UBE3D: variants seen among roughly 807,000 people sequenced by gnomAD.
UBE3D encodes E3 ubiquitin-protein ligase E3D.
A neutral mutation model predicts 49.6 loss-of-function variants in UBE3D; 48 were observed. The observed-to-expected ratio is 0.97, with a 90% CI of 0.77 to 1.23. The LOEUF (loss-of-function observed/expected upper bound fraction) is 1.23. UBE3D is among the 50% of genes most tolerant of loss of function. The pLI, the probability that UBE3D is intolerant of heterozygous loss-of-function variation, is 0.00. For synonymous variants in UBE3D, 189 were observed against 174.2 expected, an observed-to-expected ratio of 1.08 and a Z score of -0.67; for missense variants, 452 against 468.4, an observed-to-expected ratio of 0.96 and a Z score of 0.32.
intron 9 of UBE3D, among the ~76,000 whole-genome samples, chr6:82,916,250 C>A (rs1772907158): frequency 6.6e-6 from 1 of 152,192 alleles, no homozygotes; most frequent in Non-Finnish European, 1.5e-5. Context: ...CTGCCCAAGT[C>A]TAGCCTTTTC....
chr6:83,008,038 C>A (rs777148586), intron 8 of UBE3D, among the ~76,000 whole-genome samples: 1 of 152,092 alleles, frequency 6.6e-6, no homozygotes, highest in Non-Finnish European at 1.5e-5. Context: ...TCAAGAAAAT[C>A]GTGGGTTATA....
intron 8 of UBE3D, among the ~76,000 whole-genome samples, chr6:82,994,293 T>C (rs1466747179): frequency 6.6e-6 from 1 of 152,112 alleles, no homozygotes; most frequent in East Asian, 1.9e-4. Context: ...TAGACTCTAA[T>C]TGAAATAGAA....
intron 8 of UBE3D, 65 bp from the exon 9 acceptor site, chr6:82,957,515 T>A: frequency 1.3e-6 from 2 of 1,515,834 alleles, no homozygotes; most frequent in Non-Finnish European, 1.8e-6. Context: ...AAATCTGATA[T>A]GAAAGAAGAA....
intron 8 of UBE3D, among the ~76,000 whole-genome samples, chr6:83,000,680 G>A (rs1463334035): frequency 1.3e-5 from 2 of 152,098 alleles, no homozygotes; most frequent in Non-Finnish European, 2.9e-5. Flanking sequence ...GGGTCCCTGA[G>A]TTGGTCTGTC....
intron 8 of UBE3D, among the ~76,000 whole-genome samples, chr6:82,963,022 T>C (rs1039782212): frequency 2.0e-5 from 3 of 152,210 alleles, no homozygotes; most frequent in Admixed American, 6.5e-5. Flanking sequence ...TCTAATGTTA[T>C]GATTTATAAA....
Position 83,018,957 on chromosome 6 carries a change from C to G in UBE3D, c.1010+16G>C. 1 of 1,609,456 alleles carries G rather than the reference C, an allele frequency of 6.2e-7. No individual in the cohort carries two copies. ...TAAAACATAATGTGGAAAGAGAAAA[C>G]AAATGCACAACTTACTTTTCATTCC... On this transcript the variant is annotated intron_variant, in intron 8 of 9. Coordinates refer to ENST00000369747, the MANE Select transcript of UBE3D (RefSeq NM_198920.3).
chr6:82,957,233 C>A, intron 9 of UBE3D, 79 bp downstream of exon 9: 1 of 1,474,668 alleles, frequency 6.8e-7, no homozygotes, highest in Non-Finnish European at 9.3e-7. Flanking sequence ...GGGCTATCTC[C>A]TGTGAAAGAG....
chr6:83,054,125 T>C (rs369833075), intron 3 of UBE3D, 23 bp downstream of exon 3: 5 of 1,572,988 alleles, frequency 3.2e-6, no homozygotes, highest in Non-Finnish European at 4.4e-6. Context: ...ACAGAATTAA[T>C]CAGTGTTAAA....
rs1784034680 is a variant in UBE3D, at chr6:83,059,575, A to G, written c.78-1553T>C. Among the ~76,000 whole-genome samples the G allele has an allele frequency of 2.0e-5, 3 of 152,326 alleles. No homozygotes were observed. In the South Asian group the frequency reaches 6.2e-4, roughly 32 times the overall value. Reference sequence around the variant, plus strand: ...AGTTGACACTTCCAAGTGCCGCAAGAGATACCACTGGGTTCCTAAGTCCCC... The same window carrying G: ...AGTTGACACTTCCAAGTGCCGCAAGGGATACCACTGGGTTCCTAAGTCCCC... On this transcript the variant is annotated intron_variant, in intron 1 of 9. Coordinates refer to ENST00000369747, the MANE Select transcript of UBE3D (RefSeq NM_198920.3).
At chr6:82,999,446 G>A (rs899120183) in intron 8 of UBE3D, among the ~76,000 whole-genome samples, 3 of 152,054 alleles carry the variant, frequency 2.0e-5, no homozygotes, top group Admixed American at 6.5e-5. Flanking sequence ...GTGCAGTGGC[G>A]CGATCTAGGC....
intron 9 of UBE3D, among the ~76,000 whole-genome samples, chr6:82,929,256 G>A (rs1040014022): frequency 1.3e-5 from 2 of 151,040 alleles, no homozygotes; most frequent in African/African-American, 4.9e-5. Context: ...CACATCTGAT[G>A]GAGATCAACA....
intron 8 of UBE3D, among the ~76,000 whole-genome samples, chr6:82,978,998 A>C (rs572523705): frequency 1.3e-5 from 2 of 152,308 alleles, no homozygotes; most frequent in African/African-American, 2.4e-5. Context: ...CATAACATAC[A>C]TAGTGGGTAA....
At chr6:83,032,029 G>A (rs1050151802) in intron 5 of UBE3D, among the ~76,000 whole-genome samples, 1 of 152,208 alleles carries the variant, frequency 6.6e-6, no homozygotes, top group Non-Finnish European at 1.5e-5. Context: ...AGCCCTCATG[G>A]AGAACCTCTG....
At chr6:82,965,622 C>A (rs141029257) in intron 8 of UBE3D, among the ~76,000 whole-genome samples, 1,546 of 150,750 alleles carry the variant, frequency 0.01, 13 homozygotes, top group Admixed American at 0.017. Flanking sequence ...AGAGGAGAAT[C>A]CACCCTACAA....
chr6:82,981,677 C>T (rs369729247), intron 8 of UBE3D, among the ~76,000 whole-genome samples: 11 of 151,928 alleles, frequency 7.2e-5, no homozygotes, highest in South Asian at 2.1e-4. Flanking sequence ...ACCTACTTGA[C>T]GTTTACAACA....
chr6:83,017,235 T>C (rs917788048), intron 8 of UBE3D: 1 of 152,172 alleles, frequency 6.6e-6, no homozygotes, highest in Non-Finnish European at 1.5e-5. Flanking sequence ...AAATACATAA[T>C]GTGAAAACTA....
rs548828873 is a variant in UBE3D, at chr6:83,022,927, T to C, written c.738-366A>G. ...TACAAAAGAAGGCAAGAAATTTCCT[T>C]CCAAACATCAGACAGTATTGTCTAC... On this transcript the variant is annotated intron_variant, in intron 6 of 9. Transcript: ENST00000369747. Among the ~76,000 whole-genome samples the C allele has an allele frequency of 2.4e-4, 36 of 152,338 alleles. 1 individual carries two copies. In the South Asian group the frequency reaches 7.2e-3, roughly 31 times the overall value.
At chr6:83,018,835 A>C in intron 8 of UBE3D, 138 bp downstream of exon 8, 1 of 874,698 alleles carries the variant, frequency 1.1e-6, no homozygotes, top group Non-Finnish European at 1.7e-6. Context: ...TAAACATATA[A>C]TATTTAGCAG....
chr6:83,017,049 A>G (rs1780746619), intron 8 of UBE3D: 2 of 152,190 alleles, frequency 1.3e-5, no homozygotes, highest in African/African-American at 4.8e-5. Context: ...CACACCCAGG[A>G]CCAATACTTT....
Sources: allele counts gnomAD v4.1 joint callset (sites outside exome capture counted in the v4.1 genomes callset), GRCh38; gene constraint gnomAD v4.1.1; transcripts MANE v1.5; gene names NCBI Gene and HGNC (gene_info 2026-07-23, HGNC 2026-07-21).